Variants in NEK11 observed in about 807,000 individuals in gnomAD.
NEK11 encodes the protein NIMA related kinase 11.
A neutral mutation model predicts 80.7 loss-of-function variants in NEK11; 72 were observed. That is an observed-to-expected ratio of 0.89 (90% CI 0.74 to 1.08). NEK11 has a LOEUF of 1.08. Among genes scored for constraint, NEK11 ranks in the 50% least tolerant of loss-of-function variants. The pLI is 0.00. For synonymous variants in NEK11, 251 were observed against 260.7 expected, an observed-to-expected ratio of 0.96 and a Z score of 0.36; for missense variants, 764 against 763.6, an observed-to-expected ratio of 1.00 and a Z score of -0.01.
rs1230688266 is a variant in NEK11, at chr3:131,093,666, A to G, written c.336+13078A>G. Among the ~76,000 whole-genome samples, 3 of 152,118 alleles carry G rather than the reference A, an allele frequency of 2.0e-5. No individual in the cohort carries two copies. The East Asian group carries it at 5.8e-4, about 29-fold the overall frequency. On this transcript the variant is annotated intron_variant, in intron 4 of 17. Coordinates refer to ENST00000383366, the MANE Select transcript of NEK11 (RefSeq NM_024800.5). ...TCCTGACCACCCGCCTCTGCCTTCC[A>G]AAGTGCTGGGATTACAGGCGTGAGC... is the stretch of plus-strand genomic sequence containing the variant.
intron 17 of NEK11, among the ~76,000 whole-genome samples, chr3:131,339,282 T>TA (rs1332871062): frequency 6.6e-6 from 1 of 152,218 alleles, no homozygotes; most frequent in East Asian, 1.9e-4. Context: ...CGATCACCTA[T>TA]AAGCAAAGAA....
At chr3:131,228,047 A>G (rs1373100848) in intron 14 of NEK11, among the ~76,000 whole-genome samples, 1 of 152,036 alleles carries the variant, frequency 6.6e-6, no homozygotes, top group Non-Finnish European at 1.5e-5. Context: ...TATATATCCT[A>G]TTCATCTTGT....
At chr3:131,131,018 T>C (rs1480819575) in intron 5 of NEK11, among the ~76,000 whole-genome samples, 1 of 152,184 alleles carries the variant, frequency 6.6e-6, no homozygotes, top group Non-Finnish European at 1.5e-5. Flanking sequence ...GCCAGGCTGG[T>C]GTCGAACTCC....
chr3:131,340,130 G>A (rs2097262683), intron 17 of NEK11, among the ~76,000 whole-genome samples: 2 of 152,228 alleles, frequency 1.3e-5, no homozygotes, highest in South Asian at 2.1e-4. Flanking sequence ...AACAGAATCA[G>A]ATCTATTAAT....
intron 3 of NEK11, among the ~76,000 whole-genome samples, chr3:131,047,181 T>A (rs989515517): frequency 2.0e-5 from 3 of 152,158 alleles, no homozygotes; most frequent in African/African-American, 7.2e-5. Context: ...TCTTTTCATA[T>A]CTTGTATCAT....
intron 15 of NEK11, among the ~76,000 whole-genome samples, chr3:131,241,181 A>G (rs1323983374): frequency 1.3e-5 from 2 of 152,116 alleles, no homozygotes; most frequent in Admixed American, 1.3e-4. Context: ...GCAGGAGTGT[A>G]GAGAAAAGAG....
intron 16 of NEK11, among the ~76,000 whole-genome samples, chr3:131,270,881 A>G (rs1038812740): frequency 5.3e-5 from 8 of 152,122 alleles, no homozygotes; most frequent in Non-Finnish European, 1.5e-5. Context: ...GGAGCACCTT[A>G]TTTTTATTCT....
At chr3:131,116,871 T>A (rs2081324650) in intron 5 of NEK11, among the ~76,000 whole-genome samples, 1 of 152,272 alleles carries the variant, frequency 6.6e-6, no homozygotes, top group Non-Finnish European at 1.5e-5. Context: ...AGATTCTGGA[T>A]ATTAGCCCTT....
intron 3 of NEK11, among the ~76,000 whole-genome samples, chr3:131,077,746 G>T (rs1287445081): frequency 6.6e-6 from 1 of 152,086 alleles, no homozygotes; most frequent in African/African-American, 2.4e-5. Context: ...TTTGTGCTTC[G>T]CCTGCTGCTT....
At chr3:131,132,331 A>G (rs59199196) in intron 5 of NEK11, among the ~76,000 whole-genome samples, 1,758 of 152,134 alleles carry the variant, frequency 0.012, 44 homozygotes, top group African/African-American at 0.039. Flanking sequence ...AATGTTACCT[A>G]TTCTTAAATA....
chr3:131,221,276 C>G (rs546528923), intron 14 of NEK11, among the ~76,000 whole-genome samples: 2 of 152,298 alleles, frequency 1.3e-5, no homozygotes, highest in South Asian at 4.2e-4. Context: ...TTTCAGCAGA[C>G]ATAAAGTGCC....
At chr3:131,042,533 A>G (rs2066675772) in intron 3 of NEK11, among the ~76,000 whole-genome samples, 1 of 152,186 alleles carries the variant, frequency 6.6e-6, no homozygotes, top group Non-Finnish European at 1.5e-5. Flanking sequence ...CAGTGCCACA[A>G]AGCCGCTGTA....
intron 4 of NEK11, among the ~76,000 whole-genome samples, 193 bp downstream of exon 4, chr3:131,080,781 T>C (rs2075137911): frequency 1.3e-5 from 2 of 152,138 alleles, no homozygotes; most frequent in South Asian, 4.1e-4. Flanking sequence ...GAAGGGTTTT[T>C]CCCTCCATTG....
intron 14 of NEK11, among the ~76,000 whole-genome samples, chr3:131,172,486 T>C (rs549000905): frequency 1.3e-5 from 2 of 152,368 alleles, no homozygotes; most frequent in Admixed American, 6.5e-5. Flanking sequence ...TAGATTGGCA[T>C]TAGCCAGCTT....
chr3:131,269,592 G>A (rs2096138119), intron 16 of NEK11, among the ~76,000 whole-genome samples: 2 of 152,172 alleles, frequency 1.3e-5, no homozygotes, highest in South Asian at 4.1e-4. Flanking sequence ...AGATGAGCTT[G>A]GTACCTCAGT....
intron 3 of NEK11, among the ~76,000 whole-genome samples, chr3:131,041,344 T>C (rs72987855): frequency 0.025 from 3,847 of 152,312 alleles, 167 homozygotes; most frequent in African/African-American, 0.087. Context: ...CTGACACATA[T>C]CTGAAATTGC....
intron 4 of NEK11, among the ~76,000 whole-genome samples, chr3:131,081,034 T>C (rs532594693): frequency 6.6e-6 from 1 of 152,284 alleles, no homozygotes; most frequent in South Asian, 2.1e-4. Flanking sequence ...TGCTTGAGCC[T>C]AGCAGTTCAA....
At chr3:131,030,028 C>A in intron 3 of NEK11, 150 bp downstream of exon 3, 6 of 681,970 alleles carry the variant, frequency 8.8e-6, no homozygotes, top group South Asian at 1.8e-5. Flanking sequence ...TCACTTGAGG[C>A]GAGGAGTTCA....
intron 17 of NEK11, among the ~76,000 whole-genome samples, chr3:131,296,626 C>T (rs556539675): frequency 1.4e-4 from 22 of 151,960 alleles, no homozygotes; most frequent in Non-Finnish European, 2.5e-4. Flanking sequence ...GTATTTCACA[C>T]GACTTTCATT....
Sources: allele counts gnomAD v4.1 joint callset (sites outside exome capture counted in the v4.1 genomes callset), GRCh38; gene constraint gnomAD v4.1.1; transcripts MANE v1.5; gene names NCBI Gene and HGNC (gene_info 2026-07-23, HGNC 2026-07-21).